The following CTNNA3 variants were observed in gnomAD, a reference collection of about 807,000 sequenced individuals.
The protein encoded by CTNNA3 is catenin alpha 3, also known as catenin alpha-3.
CTNNA3 carries 76 observed loss-of-function variants against 95.7 expected under a neutral mutation model. That is an observed-to-expected ratio of 0.79 (90% CI 0.66 to 0.96). CTNNA3 has a LOEUF of 0.96. Among genes scored for constraint, CTNNA3 ranks in the 40% least tolerant of loss-of-function variants. CTNNA3 has a pLI of 0.00. For missense variants in CTNNA3, 1,191 were observed against 1,089.8 expected, an observed-to-expected ratio of 1.09 and a Z score of -1.31; for synonymous variants, 431 against 374.4, an observed-to-expected ratio of 1.15 and a Z score of -1.74.
At chr10:66,437,209 T>G (rs148013322) in intron 11 of CTNNA3, among the ~76,000 whole-genome samples, 1 of 152,124 alleles carries the variant, frequency 6.6e-6, no homozygotes, top group Non-Finnish European at 1.5e-5. Context: ...GTGTTCTCTG[T>G]ATTTCCTAAA....
chr10:66,202,541 C>T (rs2087493793), intron 13 of CTNNA3, among the ~76,000 whole-genome samples: 1 of 152,164 alleles, frequency 6.6e-6, no homozygotes, highest in Non-Finnish European at 1.5e-5. Context: ...ATTTGTAAAT[C>T]GTTCTTTGCT....
rs560680071 is a variant in CTNNA3 at position 66,830,986 on chromosome 10, A to G, written c.1048-55462T>C. 2.0e-5 allele frequency among the ~76,000 whole-genome samples: 3 copies of G among 152,296 alleles called. No homozygotes were observed. In the South Asian group the frequency reaches 6.2e-4, roughly 32 times the overall value. ...GGAAAAAAAAGAATTTTTGTTTTAT[A>G]TGTTTTTAAATGACAGCTTTAAAGA... is the stretch of plus-strand genomic sequence containing the variant. On this transcript the variant is annotated intron_variant, in intron 7 of 17. Coordinates refer to ENST00000433211, the MANE Select transcript of CTNNA3 (RefSeq NM_013266.4).
chr10:66,255,800 G>A (rs2090747304), intron 13 of CTNNA3, among the ~76,000 whole-genome samples: 1 of 152,196 alleles, frequency 6.6e-6, no homozygotes, highest in East Asian at 1.9e-4. Flanking sequence ...TCCAATATTG[G>A]ATCTTTTGCA....
At chr10:67,120,797 G>A (rs938505066) in intron 7 of CTNNA3, among the ~76,000 whole-genome samples, 9 of 151,994 alleles carry the variant, frequency 5.9e-5, no homozygotes, top group African/African-American at 2.2e-4. Flanking sequence ...GTTTTGTAAT[G>A]CGTAAGTCTT....
chr10:67,455,487 G>A (rs1847140415), intron 5 of CTNNA3, among the ~76,000 whole-genome samples: 2 of 152,130 alleles, frequency 1.3e-5, no homozygotes, highest in Admixed American at 6.6e-5. Context: ...AGAGTAGGAA[G>A]GGGAAGGGAC....
chr10:67,568,801 A>G (rs1009235940), intron 3 of CTNNA3, among the ~76,000 whole-genome samples: 4 of 152,190 alleles, frequency 2.6e-5, no homozygotes, highest in African/African-American at 7.2e-5. Flanking sequence ...AATGTTTGGT[A>G]TTTACCACCA....
chr10:66,900,883 A>C (rs1845712615), intron 7 of CTNNA3, among the ~76,000 whole-genome samples: 1 of 152,242 alleles, frequency 6.6e-6, no homozygotes, highest in Non-Finnish European at 1.5e-5. Flanking sequence ...CTATGTGAAA[A>C]GACCAAATCT....
intron 13 of CTNNA3, among the ~76,000 whole-genome samples, chr10:66,278,289 A>G (rs1010455405): frequency 4.6e-5 from 7 of 151,464 alleles, no homozygotes; most frequent in African/African-American, 1.7e-4. Context: ...GGTAGAAATA[A>G]CATAAGAACA....
chr10:67,726,556 AATATAATATATATTACATATT>A (rs1841225812), intron 1 of CTNNA3, among the ~76,000 whole-genome samples: 1 of 61,266 alleles, frequency 1.6e-5, no homozygotes, highest in African/African-American at 9.0e-5. Context: ...CATATTATAT[AATATAATATATATTACATATT>A]ATATAATATG....
rs182520448 is a variant in CTNNA3 at position 67,085,066 on chromosome 10, T to C, written c.1047+95251A>G. ...TCAAATTTGCTGTCCAAATATGGTC[T>C]GAATTATTTTTAATTTTTAATTGCA... On this transcript the variant is annotated intron_variant, in intron 7 of 17. Coordinates refer to ENST00000433211, the MANE Select transcript of CTNNA3 (RefSeq NM_013266.4). Among the ~76,000 whole-genome samples, 267 of 152,096 alleles carry C rather than the reference T, an allele frequency of 1.8e-3. 1 individual carries two copies. The highest frequency in any genetic ancestry group is 6.1e-3 in the African/African-American group (252 of 41,564).
intron 9 of CTNNA3, among the ~76,000 whole-genome samples, chr10:66,658,929 T>G (rs528182568): frequency 1.3e-5 from 2 of 152,058 alleles, no homozygotes; most frequent in African/African-American, 4.8e-5. Context: ...CCTCAAGGGA[T>G]CCCCCCGCTT....
At chr10:66,766,027 GCATTTAGC>G (rs1839834313) in intron 9 of CTNNA3, 1 of 395,536 alleles carries the variant, frequency 2.5e-6, no homozygotes, top group African/African-American at 2.0e-5. Context: ...AAAGTATTCT[GCATTTAGC>G]CAGTTCCTTT....
intron 6 of CTNNA3, among the ~76,000 whole-genome samples, chr10:67,214,972 T>C (rs1490220018): frequency 6.6e-6 from 1 of 152,070 alleles, no homozygotes; most frequent in Non-Finnish European, 1.5e-5. Flanking sequence ...TAGAGAATGG[T>C]GACTTCCATC....
At chr10:67,761,696 G>T (rs1484373023) in intron 1 of CTNNA3, among the ~76,000 whole-genome samples, 1 of 152,072 alleles carries the variant, frequency 6.6e-6, no homozygotes, top group Admixed American at 6.5e-5. Flanking sequence ...GGCTAACACA[G>T]TGAAACCCCA....
At chr10:67,034,864 A>G (rs1306785979) in intron 7 of CTNNA3, among the ~76,000 whole-genome samples, 1 of 152,104 alleles carries the variant, frequency 6.6e-6, no homozygotes, top group Non-Finnish European at 1.5e-5. Context: ...AAATATATCT[A>G]TTTGCAGTTC....
intron 7 of CTNNA3, among the ~76,000 whole-genome samples, chr10:66,839,350 T>C (rs781722676): frequency 3.9e-5 from 6 of 152,110 alleles, no homozygotes; most frequent in Non-Finnish European, 8.8e-5. Context: ...AGAAAGATCA[T>C]AACCTAGAAA....
chr10:67,438,016 A>C (rs1161531838), intron 5 of CTNNA3, among the ~76,000 whole-genome samples: 1 of 152,036 alleles, frequency 6.6e-6, no homozygotes, highest in African/African-American at 2.4e-5. Flanking sequence ...ATATGAAATA[A>C]AAGATTTAAA....
chr10:67,194,131 T>C (rs1863243800), intron 6 of CTNNA3, among the ~76,000 whole-genome samples: 1 of 152,088 alleles, frequency 6.6e-6, no homozygotes, highest in Admixed American at 6.6e-5. Context: ...TGTCTGTTCA[T>C]GTCCTTTGCC....
At chr10:67,512,771 G>A (rs778407411) in intron 5 of CTNNA3, among the ~76,000 whole-genome samples, 8 of 151,694 alleles carry the variant, frequency 5.3e-5, no homozygotes, top group Non-Finnish European at 1.0e-4. Flanking sequence ...CAGATCACAA[G>A]GTCAAGAGAT....
Sources: gnomAD v4.1 joint callset for allele counts (sites outside exome capture counted in the v4.1 genomes callset) on GRCh38, gnomAD v4.1.1 for gene constraint, MANE v1.5 for transcripts, NCBI Gene and HGNC (gene_info 2026-07-23, HGNC 2026-07-21) for gene names.